The following FREM3 variants were observed in gnomAD, a reference collection of about 807,000 sequenced individuals.
The protein encoded by FREM3 is FRAS1-related extracellular matrix protein 3.
In FREM3, 105 loss-of-function variants were observed where a neutral mutation model predicts 129.1. The observed-to-expected ratio is 0.81, with a 90% CI of 0.69 to 0.96. The LOEUF is 0.96. Among genes scored for constraint, FREM3 ranks in the 40% least tolerant of loss-of-function variants. The pLI is 0.00. For synonymous variants in FREM3, 1,014 were observed against 1,044.9 expected (o/e 0.97, Z 0.57); for missense variants, 2,593 against 2,666.3 (o/e 0.97, Z 0.61).
chr4:143,624,153 C>A lies in FREM3; in HGVS notation c.5608G>T (p.Glu1870Ter), dbSNP rs1739004293. The A allele has an allele frequency of 6.5e-7, 1 of 1,536,776 alleles. No homozygotes were observed. The highest frequency in any genetic ancestry group is 8.7e-7 in the Non-Finnish European group (1 of 1,146,630). Residue 1870 changes from glutamate (E) to a stop codon, truncating the protein, a stop_gained, in exon 4 of 8, where the codon GAG (glutamate) becomes TAG (stop). Transcript: ENST00000329798. LOFTEE classifies it high-confidence loss of function. ...TCAACCGTTGCCATTTCTGGAAACT[C>A]CAGTACAGCCATGAGAGGTTCAGAC... Reference protein sequence around the residue: ...ILSEPLMAVLEFPEMATVEIV... With the variant: ...ILSEPLMAVL
chr4:143,673,508 G>A (rs1214122556), intron 2 of FREM3, among the ~76,000 whole-genome samples: 1 of 152,230 alleles, frequency 6.6e-6, no homozygotes, highest in Non-Finnish European at 1.5e-5. Context: ...CCCTACTGGG[G>A]GGTGCCTCCC....
At chr4:143,659,904 C>T (rs568991304) in intron 2 of FREM3, among the ~76,000 whole-genome samples, 1 of 151,820 alleles carries the variant, frequency 6.6e-6, no homozygotes, top group African/African-American at 2.4e-5. Context: ...CTGTACATGT[C>T]CTTGGCCCAC....
Position 143,697,074 on chromosome 4 carries a change from A to C in FREM3, c.3602T>G (p.Phe1201Cys). ...DEQPKLFAHE[F>C]KVLEGMSLVI... The stretch of plus-strand genomic sequence containing the variant: ...CAGGCTCATCCCCTCTAGTACCTTA[A>C]ACTCATGGGCAAAAAGTTTAGGCTG... Residue 1201 changes from phenylalanine to cysteine, a missense_variant, in exon 1 of 8, where the codon TTT becomes TGT. Around this residue, in one of 2 missense-constraint regions of FREM3, gnomAD observed 2,276 missense variants for 2,267.2 expected, o/e 1.00. Coordinates refer to ENST00000329798, the MANE Select transcript of FREM3 (RefSeq NM_001168235.2). 11 of 1,537,632 alleles carry C rather than the reference A, an allele frequency of 7.2e-6. No individual in the cohort carries two copies. Among genetic ancestry groups the C allele is most frequent in the Non-Finnish European group, 9.6e-6 (11 of 1,146,984 alleles).
intron 6 of FREM3, among the ~76,000 whole-genome samples, chr4:143,591,307 C>T (rs1055161959): frequency 6.6e-6 from 1 of 152,048 alleles, no homozygotes; most frequent in Non-Finnish European, 1.5e-5. Context: ...GCTCTTGCTT[C>T]TCTAGTTCTT....
intron 5 of FREM3, among the ~76,000 whole-genome samples, chr4:143,620,526 A>G (rs377285049): frequency 1.1e-4 from 16 of 152,196 alleles, no homozygotes; most frequent in African/African-American, 3.9e-4. Context: ...GTCAAAAAGA[A>G]TGGAAACTTG....
intron 6 of FREM3, among the ~76,000 whole-genome samples, chr4:143,609,892 C>T (rs962127027): frequency 2.6e-5 from 4 of 152,140 alleles, no homozygotes; most frequent in Non-Finnish European, 2.9e-5. Context: ...CAACTTCTTT[C>T]GAATGAAACT....
At chr4:143,578,082 G>T (rs191042892) in intron 7 of FREM3, among the ~76,000 whole-genome samples, 1 of 152,318 alleles carries the variant, frequency 6.6e-6, no homozygotes, top group East Asian at 1.9e-4. Flanking sequence ...GGCTTTACAC[G>T]TCTAGACCAG....
Position 143,699,846 on chromosome 4 carries a change from T to G in FREM3, c.830A>C (p.Gln277Pro), listed in dbSNP as rs1740659780. The change falls in exon 1 of 8, where the codon CAA (glutamine) becomes CCA (proline). Residue 277 changes from glutamine to proline, a missense_variant. Coordinates refer to ENST00000329798, the MANE Select transcript of FREM3 (RefSeq NM_001168235.2). The surrounding 1 kb of genome is among the most constrained non-coding windows in gnomAD (Gnocchi z 4.2). ...MMVELLGPEG[Q>P]DAGSAGVLVR... ...CAGCACACCCGCGGACCCAGCGTCT[T>G]GGCCCTCAGGCCCCAGCAGCTCCAC... The G allele has an allele frequency of 6.5e-7, 1 of 1,536,586 alleles. No homozygotes were observed. The highest frequency in any genetic ancestry group is 2.4e-5 in the East Asian group (1 of 40,904).
In FREM3 at chr4:143,615,035, T is replaced by G. The variant is rs1219023363; in HGVS notation, c.5780-3508A>C. Among the ~76,000 whole-genome samples the G allele has an allele frequency of 2.6e-5, 4 of 152,312 alleles. No individual in the cohort carries two copies. The East Asian group carries it at 7.7e-4, about 29-fold the overall frequency. Reference sequence around the variant, plus strand: ...TTATTTACAAAAGAGTATTTATGGCTCAGTCTCTGTGGCTACATATTACAT... The same window carrying G: ...TTATTTACAAAAGAGTATTTATGGCGCAGTCTCTGTGGCTACATATTACAT... On this transcript the variant is annotated intron_variant, in intron 5 of 7. Transcript: ENST00000329798.
intron 2 of FREM3, among the ~76,000 whole-genome samples, chr4:143,662,460 T>G (rs1739752456): frequency 6.6e-6 from 1 of 152,018 alleles, no homozygotes; most frequent in Admixed American, 6.6e-5. Flanking sequence ...AGACAGTTTG[T>G]TATAATTTCT....
At chr4:143,592,873 C>T (rs1458629165) in intron 6 of FREM3, among the ~76,000 whole-genome samples, 2 of 152,216 alleles carry the variant, frequency 1.3e-5, no homozygotes, top group African/African-American at 2.4e-5. Context: ...CTTTCAGGTA[C>T]ACCAGTCAGA....
intron 6 of FREM3, among the ~76,000 whole-genome samples, chr4:143,589,588 C>A (rs1205319462): frequency 6.6e-6 from 1 of 152,086 alleles, no homozygotes; most frequent in Non-Finnish European, 1.5e-5. Context: ...CTCTTCTGTT[C>A]CATTGGTCTA....
intron 7 of FREM3, among the ~76,000 whole-genome samples, chr4:143,584,143 C>G (rs986043494): frequency 1.3e-5 from 2 of 152,190 alleles, no homozygotes; most frequent in African/African-American, 4.8e-5. Flanking sequence ...GGCGCGGTGG[C>G]TCACGCCTGT....
intron 6 of FREM3, among the ~76,000 whole-genome samples, chr4:143,607,333 A>T (rs1738684552): frequency 6.6e-6 from 1 of 152,084 alleles, no homozygotes; most frequent in African/African-American, 2.4e-5. Context: ...AGTTCCACCT[A>T]CCCATCCAGA....
At chr4:143,588,635 G>A (rs1464498850) in intron 6 of FREM3, among the ~76,000 whole-genome samples, 1 of 151,720 alleles carries the variant, frequency 6.6e-6, no homozygotes, top group East Asian at 1.9e-4. Flanking sequence ...TCTTAATCCA[G>A]TCTATCATTG....
chr4:143,696,268 G>A lies in FREM3; in HGVS notation c.4408C>T (p.Leu1470=). The change falls in exon 1 of 8, where the codon CTG becomes TTG. Residue 1470 remains leucine (L), a synonymous_variant. Transcript: ENST00000329798. ...HHFSITRAPS[L]GHLESSDYAG... is the part of the protein sequence containing the mutation. ...TAGTCAGAACTTTCTAAGTGACCCA[G>A]GCTTGGAGCCCGTGTAATGCTAAAG... 1 of 1,537,772 alleles carries A rather than the reference G, an allele frequency of 6.5e-7. No homozygotes were observed. The highest frequency in any genetic ancestry group is 8.7e-7 in the Non-Finnish European group (1 of 1,147,034).
At chr4:143,682,505 A>G (rs1414053998) in intron 2 of FREM3, among the ~76,000 whole-genome samples, 1 of 152,162 alleles carries the variant, frequency 6.6e-6, no homozygotes, top group Non-Finnish European at 1.5e-5. Flanking sequence ...ACCCAAGAAG[A>G]TTCTGTATCC....
In FREM3 at chr4:143,699,102, T is replaced by A; in HGVS notation, c.1574A>T (p.His525Leu). Residue 525 changes from histidine (H) to leucine (L), a missense_variant, in exon 1 of 8, where the codon CAC becomes CTC. His to Leu is a moderately conservative substitution (Grantham distance 99). Coordinates refer to ENST00000329798, the MANE Select transcript of FREM3 (RefSeq NM_001168235.2). The surrounding 1 kb of genome is among the most constrained non-coding windows in gnomAD (Gnocchi z 4.2). ...GGGAAAGAGGAAGTCCACTTGGTGG[T>A]GCCCGTCCTCCATCCGGAAGATGAT... is the stretch of plus-strand genomic sequence containing the variant. ...DNIIFRMEDG[H>L]HQVDFLFPLT... 1.3e-6 allele frequency: 2 copies of A among 1,537,358 alleles called. No individual in the cohort carries two copies. The highest frequency in any genetic ancestry group is 1.7e-6 in the Non-Finnish European group (2 of 1,146,954).
chr4:143,584,789 A>G (rs539927674), intron 7 of FREM3, among the ~76,000 whole-genome samples: 1 of 152,218 alleles, frequency 6.6e-6, no homozygotes, highest in East Asian at 1.9e-4. Flanking sequence ...CCTAATAGAC[A>G]TTTATAACAC....
Sources: gnomAD v4.1 joint callset for allele counts (sites outside exome capture counted in the v4.1 genomes callset) on GRCh38, gnomAD v4.1.1 for gene constraint, gnomAD v4.1.1 regional missense constraint, Gnocchi (gnomAD v3.1) non-coding constraint, MANE v1.5 for transcripts, NCBI Gene and HGNC (gene_info 2026-07-23, HGNC 2026-07-21) for gene names.